SLC16A7: variants seen among roughly 807,000 people sequenced by gnomAD.
SLC16A7 encodes monocarboxylate transporter 2.
A neutral mutation model predicts 34.9 loss-of-function variants in SLC16A7; 33 were observed. The ratio of observed to expected loss-of-function variants is 0.94; its 90% confidence interval spans 0.72 to 1.26. SLC16A7 has a LOEUF of 1.26. Ranked by LOEUF, SLC16A7 falls within the 50% of genes most tolerant of loss-of-function variation. The probability of loss-of-function intolerance (pLI) is 0.00; values close to 1 mark genes in which losing one functional copy is unlikely to be tolerated. For missense variants in SLC16A7, 573 were observed against 578.1 expected (o/e 0.99, Z 0.09); for synonymous variants, 201 against 206.6 (o/e 0.97, Z 0.23).
At chr12:59,672,868 C>G (rs1352992393) in intron 2 of SLC16A7, among the ~76,000 whole-genome samples, 1 of 152,046 alleles carries the variant, frequency 6.6e-6, no homozygotes, top group African/African-American at 2.4e-5. Context: ...AATCAAAGAG[C>G]TTTATTTGTA....
intron 3 of SLC16A7, chr12:59,768,460 G>T: frequency 8.4e-6 from 2 of 238,372 alleles, no homozygotes; most frequent in Non-Finnish European, 8.5e-6. Context: ...CCAAGAAAGT[G>T]GTTTCTTGAA....
chr12:59,627,384 T>C (rs1879975633), intron 1 of SLC16A7, among the ~76,000 whole-genome samples: 1 of 151,956 alleles, frequency 6.6e-6, no homozygotes, highest in African/African-American at 2.4e-5. Context: ...CAATTTCTTA[T>C]GTAAATAAGG....
intron 1 of SLC16A7, among the ~76,000 whole-genome samples, chr12:59,623,665 T>C (rs1411116462): frequency 6.6e-6 from 1 of 151,760 alleles, no homozygotes; most frequent in Admixed American, 6.6e-5. Flanking sequence ...GTTTTATTTG[T>C]AGATTTTCCA....
At chr12:59,663,440 A>G (rs1443397837) in intron 2 of SLC16A7, among the ~76,000 whole-genome samples, 1 of 152,052 alleles carries the variant, frequency 6.6e-6, no homozygotes, top group African/African-American at 2.4e-5. Flanking sequence ...AACTACTTTG[A>G]GGTATATGTA....
At chr12:59,644,262 C>T (rs772997502) in intron 1 of SLC16A7, among the ~76,000 whole-genome samples, 14 of 152,062 alleles carry the variant, frequency 9.2e-5, no homozygotes, top group Admixed American at 5.2e-4. Flanking sequence ...GGCTTTAGTG[C>T]GCATCAAAAG....
At chr12:59,742,540 A>G (rs2072936518) in intron 3 of SLC16A7, among the ~76,000 whole-genome samples, 1 of 152,230 alleles carries the variant, frequency 6.6e-6, no homozygotes, top group East Asian at 1.9e-4. Flanking sequence ...GAGATGGGAA[A>G]ATCAAGTGTT....
chr12:59,723,461 C>G, intron 3 of SLC16A7, among the ~76,000 whole-genome samples: 1 of 151,828 alleles, frequency 6.6e-6, no homozygotes, highest in East Asian at 1.9e-4. Flanking sequence ...ATTAAAGCTT[C>G]ATGATACTTT....
At chr12:59,602,494 T>TC (rs2136956497) in intron 1 of SLC16A7, among the ~76,000 whole-genome samples, 1 of 146,832 alleles carries the variant, frequency 6.8e-6, no homozygotes, top group East Asian at 2.0e-4. Flanking sequence ...TTTTTTTTTT[T>TC]TTTTTTTGAG....
intron 2 of SLC16A7, among the ~76,000 whole-genome samples, chr12:59,665,608 T>A (rs952721343): frequency 2.5e-4 from 38 of 152,060 alleles, no homozygotes; most frequent in Admixed American, 2.0e-4. Flanking sequence ...GCTCACTAAG[T>A]TTTAAAGTCT....
chr12:59,597,106 A>G (rs951023071), intron 1 of SLC16A7: 12 of 152,008 alleles, frequency 7.9e-5, no homozygotes, highest in Non-Finnish European at 1.6e-4. Flanking sequence ...TTTCTCCTCT[A>G]CTTCCGCGAA....
chr12:59,706,434 A>G (rs988639010), intron 3 of SLC16A7, among the ~76,000 whole-genome samples: 1 of 151,516 alleles, frequency 6.6e-6, no homozygotes, highest in Non-Finnish European at 1.5e-5. Flanking sequence ...ATATATAGTG[A>G]CTTTATATTA....
chr12:59,663,776 C>T (rs1868981484), intron 2 of SLC16A7, among the ~76,000 whole-genome samples: 3 of 151,872 alleles, frequency 2.0e-5, no homozygotes, highest in South Asian at 4.2e-4. Context: ...AGAAACATAC[C>T]ACATATTTTG....
intron 3 of SLC16A7, chr12:59,769,050 AC>A (rs1465581094): frequency 1.3e-5 from 2 of 152,064 alleles, no homozygotes; most frequent in Non-Finnish European, 2.9e-5. Flanking sequence ...GCAACTGCCA[AC>A]CCTGATCAGT....
chr12:59,645,297 G>A (rs958020097), intron 1 of SLC16A7, among the ~76,000 whole-genome samples: 14 of 152,172 alleles, frequency 9.2e-5, no homozygotes, highest in Admixed American at 5.9e-4. Flanking sequence ...AGATCAGATA[G>A]CAAAACCATT....
At chr12:59,615,060 T>G in intron 1 of SLC16A7, among the ~76,000 whole-genome samples, 1 of 151,666 alleles carries the variant, frequency 6.6e-6, no homozygotes, top group East Asian at 1.9e-4. Flanking sequence ...CCGTGCAGCA[T>G]TTGGGCCTCT....
Position 59,596,617 on chromosome 12 carries a change from A to G in SLC16A7, c.-130+381A>G, listed in dbSNP as rs900534503. ...CACCCCAGTCTCCCTGGCTCACGGGACTCCGAGGGCTGCTTCCAGTGCGGC... is the reference window on the plus strand; with the variant it reads ...CACCCCAGTCTCCCTGGCTCACGGGGCTCCGAGGGCTGCTTCCAGTGCGGC... On this transcript the variant is annotated intron_variant, in intron 1 of 5. Coordinates refer to ENST00000547379, the MANE Select transcript of SLC16A7 (RefSeq NM_001270623.2). This position sits in a 1 kb window ranked among gnomAD's most constrained non-coding sequence, Gnocchi z 5.0. 6.7e-6 allele frequency among the ~76,000 whole-genome samples: 1 copy of G among 149,804 alleles called. No individual in the cohort carries two copies. The highest frequency in any genetic ancestry group is 1.5e-5 in the Non-Finnish European group (1 of 67,604).
At position 59,786,367 on chromosome 12, in the gene SLC16A7, T is replaced by C. The variant is rs1366783611; in HGVS notation, c.*6688T>C. The C allele has an allele frequency of 6.6e-6, 1 of 152,082 alleles. No homozygotes were observed. The highest frequency in any genetic ancestry group is 1.5e-5 in the Non-Finnish European group (1 of 67,986). 9.4% of individuals were successfully genotyped at this position (152,082 alleles called of 1,614,324 possible). On this transcript the variant is annotated 3_prime_UTR_variant, in exon 6 of 6. Transcript: ENST00000547379. ...TTATATGCATCTAAAATAAATGTTT[T>C]GAGTTAGACTCAGTTTATATAGCTT...
At chr12:59,692,463 G>T (rs923499533) in intron 2 of SLC16A7, among the ~76,000 whole-genome samples, 2 of 151,922 alleles carry the variant, frequency 1.3e-5, no homozygotes, top group Non-Finnish European at 2.9e-5. Context: ...GTCAGCTGTG[G>T]AATTTGTCAC....
At chr12:59,615,157 G>T (rs1014350500) in intron 1 of SLC16A7, among the ~76,000 whole-genome samples, 1 of 152,122 alleles carries the variant, frequency 6.6e-6, no homozygotes, top group African/African-American at 2.4e-5. Context: ...AGGAGAGACA[G>T]GGCCTCTCAC....
Sources: allele counts gnomAD v4.1 joint callset (sites outside exome capture counted in the v4.1 genomes callset), GRCh38; gene constraint gnomAD v4.1.1; non-coding constraint Gnocchi (gnomAD v3.1); transcripts MANE v1.5; gene names NCBI Gene and HGNC (gene_info 2026-07-23, HGNC 2026-07-21).